Variants in MAP4 observed in about 807,000 individuals in gnomAD.
MAP4 encodes microtubule-associated protein 4.
In MAP4, 76 loss-of-function variants were observed where a neutral mutation model predicts 170.2. That is an observed-to-expected ratio of 0.45 (90% CI 0.37 to 0.54). The LOEUF is 0.54. MAP4 is among the 20% of genes least tolerant of loss of function. The pLI, the probability that MAP4 is intolerant of heterozygous loss-of-function variation, is 0.00. For synonymous variants in MAP4, 909 were observed against 994.5 expected (o/e 0.91, Z 1.62); for missense variants, 2,506 against 2,748.0 (o/e 0.91, Z 1.97).
At chr3:47,951,697 C>G (rs1346326244) in intron 3 of MAP4, among the ~76,000 whole-genome samples, 1 of 152,176 alleles carries the variant, frequency 6.6e-6, no homozygotes, top group South Asian at 2.1e-4. Flanking sequence ...TCTCGGCTCG[C>G]TACAACCTCC....
At chr3:48,032,486 G>T (rs1237188018) in intron 1 of MAP4, among the ~76,000 whole-genome samples, 1 of 151,108 alleles carries the variant, frequency 6.6e-6, no homozygotes, top group Admixed American at 6.6e-5. Flanking sequence ...CTGGGCAAGA[G>T]AGCAAGACTC....
At chr3:48,046,265 CAAG>C (rs1477153444) in intron 1 of MAP4, among the ~76,000 whole-genome samples, 2 of 152,124 alleles carry the variant, frequency 1.3e-5, no homozygotes, top group South Asian at 2.1e-4. Flanking sequence ...CACTGGGAGA[CAAG>C]GAGGTAACAC....
intron 3 of MAP4, chr3:47,975,279 G>C: frequency 6.8e-7 from 1 of 1,467,882 alleles, no homozygotes; most frequent in African/African-American, 1.4e-5. Flanking sequence ...AGAGGAAGCA[G>C]GTTGTTTGCT....
intron 1 of MAP4, among the ~76,000 whole-genome samples, chr3:48,028,965 A>G (rs2100114510): frequency 6.6e-6 from 1 of 151,880 alleles, no homozygotes; most frequent in Non-Finnish European, 1.5e-5. Flanking sequence ...CAACATGGTG[A>G]ACCCCTGCCT....
intron 10 of MAP4, chr3:47,891,122 TTCTC>T: frequency 6.5e-7 from 1 of 1,536,396 alleles, no homozygotes; most frequent in Admixed American, 2.0e-5. Context: ...TCCTGGCTGT[TTCTC>T]TCCTCGCTGG....
intron 1 of MAP4, among the ~76,000 whole-genome samples, chr3:48,062,925 CAAA>C (rs199523645): frequency 1.7e-5 from 2 of 116,466 alleles, no homozygotes; most frequent in Non-Finnish European, 1.8e-5. Context: ...AACTCTGTCT[CAAA>C]AAAAAAAAAA....
chr3:47,920,522 C>T (rs1227504021), intron 5 of MAP4, among the ~76,000 whole-genome samples: 1 of 143,900 alleles, frequency 6.9e-6, no homozygotes, highest in African/African-American at 2.6e-5. Flanking sequence ...GGATTACGGG[C>T]GTGTGCCACT....
chr3:48,070,539 C>A (rs1259883581), intron 1 of MAP4, among the ~76,000 whole-genome samples: 1 of 146,162 alleles, frequency 6.8e-6, no homozygotes, highest in Non-Finnish European at 1.5e-5. Context: ...TTAGGCTGGT[C>A]TTGAACTCCT....
chr3:47,880,465 GTTTTTTTTTT>G (rs3079393), intron 10 of MAP4, among the ~76,000 whole-genome samples: 1 of 106,082 alleles, frequency 9.4e-6, no homozygotes, highest in Non-Finnish European at 1.8e-5. Context: ...TCCAATTTCA[GTTTTTTTTTT>G]TTTTTTTTTT....
At chr3:48,005,108 T>G (rs1213932254) in intron 1 of MAP4, among the ~76,000 whole-genome samples, 1 of 152,116 alleles carries the variant, frequency 6.6e-6, no homozygotes, top group Non-Finnish European at 1.5e-5. Context: ...ACGCCTGTAA[T>G]CCCAATACTT....
chr3:47,895,052 T>C (rs1193030530), intron 10 of MAP4, among the ~76,000 whole-genome samples: 1 of 151,112 alleles, frequency 6.6e-6, no homozygotes, highest in African/African-American at 2.4e-5. Context: ...GAGGAAGATA[T>C]TGTTGTAATA....
chr3:47,983,617 A>G (rs1363899222), intron 2 of MAP4, among the ~76,000 whole-genome samples: 2 of 152,008 alleles, frequency 1.3e-5, no homozygotes, highest in Non-Finnish European at 2.9e-5. Context: ...CTAACTCCTG[A>G]CCTCAGGTGA....
chr3:48,031,432 TC>T (rs2100116044), intron 1 of MAP4, among the ~76,000 whole-genome samples: 1 of 152,044 alleles, frequency 6.6e-6, no homozygotes, highest in African/African-American at 2.4e-5. Context: ...ATGCCTGTAG[TC>T]CCACCTACTT....
chr3:47,946,471 T>C lies in MAP4; in HGVS notation c.293-18121A>G, dbSNP rs993963626. 8.0e-5 allele frequency among the ~76,000 whole-genome samples: 12 copies of C among 150,254 alleles called. No homozygotes were observed. The East Asian group carries it at 1.8e-3, about 22-fold the overall frequency. ...GAGTTCAAGACCAGCCTGGCCAACA[T>C]GGTGAAACCCCATCTCTACTAAAAA... On this transcript the variant is annotated intron_variant, in intron 3 of 20. Transcript: ENST00000683076.
intron 3 of MAP4, among the ~76,000 whole-genome samples, chr3:47,969,234 C>A (rs2100077015): frequency 6.6e-6 from 1 of 151,992 alleles, no homozygotes; most frequent in Non-Finnish European, 1.5e-5. Flanking sequence ...ATGCTGAAAC[C>A]CCATCTCTAC....
intron 3 of MAP4, among the ~76,000 whole-genome samples, chr3:47,936,848 C>T (rs1053498300): frequency 2.0e-5 from 3 of 151,358 alleles, no homozygotes; most frequent in African/African-American, 4.9e-5. Flanking sequence ...GGCATGGTAG[C>T]GGGCTCCTGT....
At chr3:47,969,807 C>A (rs2100077462) in intron 3 of MAP4, among the ~76,000 whole-genome samples, 1 of 151,798 alleles carries the variant, frequency 6.6e-6, no homozygotes, top group South Asian at 2.1e-4. Context: ...TTGCAGTGGG[C>A]CGAGATCGCA....
At chr3:47,878,001 C>T (rs1418235318) in intron 10 of MAP4, among the ~76,000 whole-genome samples, 3 of 152,152 alleles carry the variant, frequency 2.0e-5, no homozygotes, top group Non-Finnish European at 4.4e-5. Flanking sequence ...TGAGATTAAC[C>T]TGATCCAGTT....
chr3:47,926,351 T>C (rs1474626508), intron 4 of MAP4, among the ~76,000 whole-genome samples: 1 of 151,196 alleles, frequency 6.6e-6, no homozygotes, highest in Non-Finnish European at 1.5e-5. Flanking sequence ...GCCCGGCTGA[T>C]TTTTTTATTT....
Sources: gnomAD v4.1 joint callset for allele counts (sites outside exome capture counted in the v4.1 genomes callset) on GRCh38, gnomAD v4.1.1 for gene constraint, MANE v1.5 for transcripts, NCBI Gene and HGNC (gene_info 2026-07-23, HGNC 2026-07-21) for gene names.